The following DIAPH2 variants were observed in gnomAD, a reference collection of about 807,000 sequenced individuals.
DIAPH2 encodes the protein diaphanous related formin 2.
Under a neutral mutation model 92.7 loss-of-function variants are expected in DIAPH2, and 35 were observed. That is an observed-to-expected ratio of 0.38 (90% confidence interval 0.29 to 0.50). DIAPH2 has a LOEUF of 0.50. Ranked by LOEUF, DIAPH2 falls within the 20% of genes least tolerant of loss-of-function variation. The pLI, the probability that DIAPH2 is intolerant of heterozygous loss-of-function variation, is 0.94. For missense variants in DIAPH2, 701 were observed against 819.5 expected, an observed-to-expected ratio of 0.86 and a Z score of 1.77; for synonymous variants, 301 against 280.4, an observed-to-expected ratio of 1.07 and a Z score of -0.73.
intron 12 of DIAPH2, among the ~76,000 whole-genome samples, chrX:96,939,601 TACAC>T (rs774399164): frequency 1.6e-5 from 1 of 62,217 alleles, no homozygotes; most frequent in Non-Finnish European, 3.1e-5. Context: ...TGTGTGTATA[TACAC>T]ACACACACAC....
chrX:97,065,041 C>T (rs2066624933), intron 17 of DIAPH2, among the ~76,000 whole-genome samples: 1 of 111,425 alleles, frequency 9.0e-6, no homozygotes, highest in African/African-American at 3.3e-5. Context: ...ACTGTATTCT[C>T]AACAAGAATT....
intron 26 of DIAPH2, among the ~76,000 whole-genome samples, chrX:97,592,908 G>A (rs775303410): frequency 4.5e-5 from 5 of 111,800 alleles, no homozygotes; most frequent in Non-Finnish European, 9.4e-5. Flanking sequence ...CTAGGTTTCT[G>A]TTTTCTTTGC....
Position 96,838,326 on chromosome X carries a change from A to AC in DIAPH2, c.448-43253_448-43252insC, listed in dbSNP as rs1049784989. On this transcript the variant is annotated intron_variant, in intron 4 of 26. Transcript: ENST00000324765. ...CAGCAGTGGCAGCAGAACTATAGTA[A>AC]GCATGTGGCCCCTGAGATAACTGTG... Among the ~76,000 whole-genome samples, 8 of 111,937 alleles carry AC rather than the reference A, an allele frequency of 7.1e-5. 1 individual carries two copies. Among genetic ancestry groups the AC allele is most frequent in the Non-Finnish European group, 1.1e-4 (6 of 53,136 alleles).
chrX:96,898,172 G>T (rs1794357173), intron 5 of DIAPH2, among the ~76,000 whole-genome samples: 2 of 94,263 alleles, frequency 2.1e-5, no homozygotes, highest in Non-Finnish European at 4.3e-5. Context: ...TGTGAATAGT[G>T]CCGCAATAAA....
chrX:96,700,694 A>T (rs760911339), intron 1 of DIAPH2, among the ~76,000 whole-genome samples: 1 of 112,387 alleles, frequency 8.9e-6, no homozygotes, highest in Admixed American at 9.4e-5. Context: ...ACATACACAT[A>T]CACAGACACA....
At chrX:97,322,983 T>G (rs1339844479) in intron 23 of DIAPH2, among the ~76,000 whole-genome samples, 1 of 103,527 alleles carries the variant, frequency 9.7e-6, no homozygotes, top group African/African-American at 3.5e-5. Flanking sequence ...TCGGCTCACT[T>G]CAACCTCCGC....
intron 26 of DIAPH2, among the ~76,000 whole-genome samples, chrX:97,436,788 A>G (rs2070191547): frequency 1.8e-5 from 2 of 111,660 alleles, no homozygotes; most frequent in Non-Finnish European, 3.8e-5. Context: ...CACCTCTGCT[A>G]TAATATCATG....
rs765899669 is a variant in DIAPH2, at chrX:96,965,232, A to T, written c.2050+25A>T. 3.7e-6 allele frequency: 4 copies of T among 1,083,896 alleles called. No individual in the cohort carries two copies. In the South Asian group the frequency reaches 8.9e-5, roughly 24 times the overall value. 89.3% of individuals were successfully genotyped at this position (1,083,896 alleles called of 1,213,427 possible). ...GGTACATTTTTAAAAATAAAATATAAGTTCCCGATTCAGGTACAATTTAAT... is the reference window on the plus strand; with the variant it reads ...GGTACATTTTTAAAAATAAAATATATGTTCCCGATTCAGGTACAATTTAAT... On this transcript the variant is annotated intron_variant, in intron 17 of 26. Transcript: ENST00000324765.
At chrX:96,944,414 T>G (rs1269392553) in intron 13 of DIAPH2, among the ~76,000 whole-genome samples, 1 of 111,717 alleles carries the variant, frequency 9.0e-6, no homozygotes, top group African/African-American at 3.2e-5. Context: ...TACAATTTGA[T>G]AAATTTTGCT....
intron 19 of DIAPH2, among the ~76,000 whole-genome samples, chrX:97,077,056 A>G (rs1416918475): frequency 1.8e-5 from 2 of 111,772 alleles, no homozygotes; most frequent in Non-Finnish European, 3.8e-5. Flanking sequence ...CATGTAGTAT[A>G]ATGTACATAA....
intron 1 of DIAPH2, among the ~76,000 whole-genome samples, chrX:96,722,226 G>T (rs181853220): frequency 9.1e-6 from 1 of 110,306 alleles, no homozygotes; most frequent in East Asian, 2.8e-4. Flanking sequence ...GCGTGGTGGT[G>T]GGCGCCTGTG....
At chrX:96,995,600 T>C (rs1465491642) in intron 17 of DIAPH2, among the ~76,000 whole-genome samples, 1 of 111,521 alleles carries the variant, frequency 9.0e-6, no homozygotes, top group Non-Finnish European at 1.9e-5. Flanking sequence ...TATAATACCT[T>C]ACAGCAGTAC....
chrX:97,039,667 T>A (rs1207610655), intron 17 of DIAPH2, among the ~76,000 whole-genome samples: 1 of 111,417 alleles, frequency 9.0e-6, no homozygotes, highest in Non-Finnish European at 1.9e-5. Flanking sequence ...TACTTCTAAC[T>A]TTTATACTTG....
At chrX:96,699,483 C>T (rs767257210) in intron 1 of DIAPH2, among the ~76,000 whole-genome samples, 2 of 111,570 alleles carry the variant, frequency 1.8e-5, no homozygotes, top group African/African-American at 6.5e-5. Context: ...GCTACACTGG[C>T]ATCTAGTGAA....
At chrX:96,863,035 C>T (rs1338088186) in intron 4 of DIAPH2, among the ~76,000 whole-genome samples, 1 of 110,189 alleles carries the variant, frequency 9.1e-6, no homozygotes, top group Non-Finnish European at 1.9e-5. Context: ...ATTCTTTCAC[C>T]TCCACTTCCC....
intron 5 of DIAPH2, among the ~76,000 whole-genome samples, chrX:96,894,974 A>ATTTTT (rs766131166): frequency 6.7e-5 from 4 of 59,522 alleles, no homozygotes; most frequent in Non-Finnish European, 1.2e-4. Context: ...GTTTTTCTTA[A>ATTTTT]TTTTTTTTTT....
chrX:97,532,494 A>G (rs1335321675), intron 26 of DIAPH2, among the ~76,000 whole-genome samples: 3 of 112,747 alleles, frequency 2.7e-5, no homozygotes, highest in Non-Finnish European at 3.7e-5. Flanking sequence ...GCTTCTCCCC[A>G]GCACTGGCTA....
rs780457894 is a variant in DIAPH2 at position 96,738,587 on chromosome X, G to A, written c.167G>A (p.Arg56His). The A allele has an allele frequency of 4.2e-6, 5 of 1,185,509 alleles. No homozygotes were observed. Among genetic ancestry groups the A allele is most frequent in the East Asian group, 3.0e-5 (1 of 33,503 alleles). The stretch of plus-strand genomic sequence containing the variant: ...TTATTTATTTATTTTTGTTTGCAGC[G>A]TGACCGAATTACAAGTTTTAGAAAA... ...IQIKTLADDVRDRITSFRKST... is the reference protein window; with the variant it reads ...IQIKTLADDVHDRITSFRKST... The change falls in exon 3 of 27, where the codon CGT (arginine) becomes CAT (histidine). Residue 56 changes from arginine (R) to histidine (H), a missense_variant and splice_region_variant. Physicochemically the swap from Arg to His is conservative, Grantham distance 29. This residue lies in a region of DIAPH2 where 131 missense variants were observed against 145.6 expected (regional missense o/e 0.90). Transcript: ENST00000324765.
At chrX:96,800,613 A>G (rs1432871758) in intron 4 of DIAPH2, among the ~76,000 whole-genome samples, 3 of 111,978 alleles carry the variant, frequency 2.7e-5, no homozygotes, top group Non-Finnish European at 5.6e-5. Flanking sequence ...TTGGCATTTC[A>G]CTGAACTAGG....
Sources: gnomAD v4.1 joint callset for allele counts (sites outside exome capture counted in the v4.1 genomes callset) on GRCh38, gnomAD v4.1.1 for gene constraint, gnomAD v4.1.1 regional missense constraint, MANE v1.5 for transcripts, NCBI Gene and HGNC (gene_info 2026-07-23, HGNC 2026-07-21) for gene names.